IMMP1L: variants seen among roughly 807,000 people sequenced by gnomAD.
IMMP1L encodes inner mitochondrial membrane peptidase subunit 1, also known as mitochondrial inner membrane protease subunit 1.
IMMP1L carries 24 observed loss-of-function variants against 21.8 expected under a neutral mutation model. The observed-to-expected ratio is 1.10, with a 90% CI of 0.80 to 1.55. IMMP1L has a LOEUF of 1.55. Among genes scored for constraint, IMMP1L ranks in the 40% most tolerant of loss-of-function variants. IMMP1L has a pLI of 0.00. For synonymous variants in IMMP1L, 46 were observed against 62.8 expected (o/e 0.73, Z 1.26); for missense variants, 195 against 200.7 (o/e 0.97, Z 0.17).
In IMMP1L at chr11:31,453,002, T is replaced by A; in HGVS notation, c.321+3258A>T. 4 of 1,084,990 alleles carry A rather than the reference T, an allele frequency of 3.7e-6. No homozygotes were observed. The South Asian group carries it at 4.0e-5, about 11-fold the overall frequency. 67.2% of individuals were successfully genotyped at this position (1,084,990 alleles called of 1,614,324 possible). ...CTTGACCTCAGGTGATCTGCCTGCC[T>A]TGGCCTCTCAAAGTGCTGGGATTAC... On this transcript the variant is annotated intron_variant, in intron 4 of 5. Coordinates refer to ENST00000532287, the MANE Select transcript of IMMP1L (RefSeq NM_001304274.2).
At chr11:31,503,760 T>C (rs1275484008) in intron 1 of IMMP1L, among the ~76,000 whole-genome samples, 1 of 152,134 alleles carries the variant, frequency 6.6e-6, no homozygotes, top group East Asian at 1.9e-4. Flanking sequence ...GGTAGTCAAC[T>C]TAGGTGAGAA....
chr11:31,474,944 T>C (rs1482756358), intron 1 of IMMP1L, among the ~76,000 whole-genome samples: 2 of 152,310 alleles, frequency 1.3e-5, no homozygotes, highest in Non-Finnish European at 2.9e-5. Context: ...GCAGATTCTA[T>C]AGTTTTAATA....
At chr11:31,464,773 AAAG>A (rs1220572203) in intron 1 of IMMP1L, among the ~76,000 whole-genome samples, 10 of 152,312 alleles carry the variant, frequency 6.6e-5, no homozygotes, top group African/African-American at 2.4e-4. Context: ...GAAATTAGGC[AAAG>A]AAGGAACATA....
chr11:31,438,605 T>C (rs1390649166), intron 4 of IMMP1L, among the ~76,000 whole-genome samples: 2 of 152,226 alleles, frequency 1.3e-5, no homozygotes, highest in African/African-American at 4.8e-5. Flanking sequence ...GAACATATTA[T>C]ACTATATTCT....
chr11:31,440,538 G>A (rs1953288561), intron 4 of IMMP1L, among the ~76,000 whole-genome samples: 1 of 152,086 alleles, frequency 6.6e-6, no homozygotes, highest in African/African-American at 2.4e-5. Context: ...TTACAGGCAT[G>A]CACCACCATG....
intron 4 of IMMP1L, among the ~76,000 whole-genome samples, chr11:31,444,002 A>T (rs992253782): frequency 2.0e-5 from 3 of 152,128 alleles, no homozygotes; most frequent in African/African-American, 7.2e-5. Flanking sequence ...AAGCTCTTTC[A>T]TCTTCTCCCT....
Position 31,456,251 on chromosome 11 carries a change from G to C in IMMP1L, c.321+9C>G. ...ACACCAAAAATAACATAATTGAAATGTTACTTACATAACTATGGCTTTTAA... is the reference window on the plus strand; with the variant it reads ...ACACCAAAAATAACATAATTGAAATCTTACTTACATAACTATGGCTTTTAA... On this transcript the variant is annotated intron_variant, in intron 4 of 5. Transcript: ENST00000532287. 6.4e-7 allele frequency: 1 copy of C among 1,570,666 alleles called. No individual in the cohort carries two copies. The highest frequency in any genetic ancestry group is 8.7e-7 in the Non-Finnish European group (1 of 1,151,446).
chr11:31,493,497 T>C (rs527790332), intron 1 of IMMP1L, among the ~76,000 whole-genome samples: 1 of 150,972 alleles, frequency 6.6e-6, no homozygotes, highest in South Asian at 2.1e-4. Context: ...CAAGATGACA[T>C]TTGGGTGGGG....
intron 4 of IMMP1L, among the ~76,000 whole-genome samples, chr11:31,455,066 C>A (rs537441254): frequency 2.0e-4 from 31 of 152,116 alleles, no homozygotes; most frequent in Non-Finnish European, 4.1e-4. Context: ...ACAATTACTG[C>A]GTATTTAGCA....
intron 4 of IMMP1L, among the ~76,000 whole-genome samples, chr11:31,438,565 C>A (rs2133551190): frequency 6.6e-6 from 1 of 152,020 alleles, no homozygotes; most frequent in South Asian, 2.1e-4. Flanking sequence ...TTTTCGTGTC[C>A]TAAGAAATCT....
intron 1 of IMMP1L, among the ~76,000 whole-genome samples, chr11:31,494,748 C>T (rs558590050): frequency 6.6e-6 from 1 of 152,056 alleles, no homozygotes; most frequent in East Asian, 1.9e-4. Context: ...TTTACTTACG[C>T]CATTCTCCTG....
intron 1 of IMMP1L, among the ~76,000 whole-genome samples, chr11:31,489,987 C>T (rs866284090): frequency 3.9e-5 from 6 of 152,090 alleles, no homozygotes; most frequent in East Asian, 1.9e-4. Flanking sequence ...TCTTGAAACA[C>T]GCAAAAATTT....
At chr11:31,483,011 T>C (rs867753153) in intron 1 of IMMP1L, among the ~76,000 whole-genome samples, 9 of 152,128 alleles carry the variant, frequency 5.9e-5, no homozygotes, top group African/African-American at 2.2e-4. Context: ...TACAACTATA[T>C]AGATAAATCT....
At chr11:31,434,082 C>T (rs1419366174) in intron 4 of IMMP1L, among the ~76,000 whole-genome samples, 2 of 152,116 alleles carry the variant, frequency 1.3e-5, no homozygotes, top group Non-Finnish European at 2.9e-5. Context: ...TTGGAGTAGG[C>T]TTGTCAGAAT....
intron 1 of IMMP1L, among the ~76,000 whole-genome samples, chr11:31,504,741 A>G (rs1039053781): frequency 4.6e-5 from 7 of 152,234 alleles, no homozygotes; most frequent in East Asian, 3.8e-4. Flanking sequence ...ACACATTAAC[A>G]AGGATCATTT....
chr11:31,459,764 A>G (rs1311046961), intron 3 of IMMP1L, among the ~76,000 whole-genome samples: 2 of 152,152 alleles, frequency 1.3e-5, no homozygotes, highest in Admixed American at 6.5e-5. Flanking sequence ...GTGACACACA[A>G]TATTTGCCCA....
At chr11:31,449,653 A>G (rs967575153) in intron 4 of IMMP1L, among the ~76,000 whole-genome samples, 25 of 152,304 alleles carry the variant, frequency 1.6e-4, no homozygotes, top group African/African-American at 5.5e-4. Flanking sequence ...TGTTATTAAC[A>G]TACTCTACAA....
At chr11:31,472,616 T>G (rs1026108866) in intron 1 of IMMP1L, among the ~76,000 whole-genome samples, 11 of 152,052 alleles carry the variant, frequency 7.2e-5, no homozygotes, top group African/African-American at 2.2e-4. Flanking sequence ...TTAAAAAAAC[T>G]GAGTCATTAA....
intron 1 of IMMP1L, among the ~76,000 whole-genome samples, chr11:31,469,515 A>T (rs893463718): frequency 5.3e-5 from 8 of 152,236 alleles, no homozygotes; most frequent in African/African-American, 1.9e-4. Flanking sequence ...GCTCAGCCTA[A>T]CAGGAGACAA....
Sources: allele counts gnomAD v4.1 joint callset (sites outside exome capture counted in the v4.1 genomes callset), GRCh38; gene constraint gnomAD v4.1.1; transcripts MANE v1.5; gene names NCBI Gene and HGNC (gene_info 2026-07-23, HGNC 2026-07-21).